MFSD6: variants seen among roughly 807,000 people sequenced by gnomAD.
MFSD6 encodes the protein major facilitator superfamily domain-containing protein 6.
A neutral mutation model predicts 56.3 loss-of-function variants in MFSD6; 26 were observed. That is an observed-to-expected ratio of 0.46 (90% confidence interval 0.34 to 0.64). The LOEUF (loss-of-function observed/expected upper bound fraction) is 0.64, where lower values mean the gene tolerates loss of function less well. Among genes scored for constraint, MFSD6 ranks in the 30% least tolerant of loss-of-function variants. MFSD6 has a pLI of 0.01. For synonymous variants in MFSD6, 331 were observed against 366.9 expected (o/e 0.90, Z 1.12); for missense variants, 750 against 986.2 (o/e 0.76, Z 3.21).
intron 4 of MFSD6, among the ~76,000 whole-genome samples, chr2:190,472,960 C>T (rs1186010072): frequency 6.6e-6 from 1 of 152,114 alleles, no homozygotes; most frequent in African/African-American, 2.4e-5. Context: ...GAATTTTCAA[C>T]CCAGAATTTC....
chr2:190,435,858 A>T, intron 2 of MFSD6, 119 bp from the exon 3 acceptor site: 1 of 895,006 alleles, frequency 1.1e-6, no homozygotes, highest in Non-Finnish European at 1.6e-6. Context: ...AAATGATGAG[A>T]ATTCTCTCTT....
intron 3 of MFSD6, among the ~76,000 whole-genome samples, chr2:190,450,099 A>G (rs1686724495): frequency 6.6e-6 from 1 of 152,230 alleles, no homozygotes; most frequent in South Asian, 2.1e-4. Flanking sequence ...AAAGTTTATT[A>G]CTGGCAGTAA....
rs978120083 is a variant in MFSD6, at chr2:190,459,475, G to A, written c.1533-10283G>A. 1.3e-5 allele frequency among the ~76,000 whole-genome samples: 2 copies of A among 152,116 alleles called. No homozygotes were observed. The highest frequency in any genetic ancestry group is 2.9e-5 in the Non-Finnish European group (2 of 68,016). ...AGGAAATTTTTAAACAAAATTGTAG[G>A]GGGTGTGTGTGTGAATATGTTCAGT... is the stretch of plus-strand genomic sequence containing the variant. On this transcript the variant is annotated intron_variant, in intron 3 of 7. Transcript: ENST00000392328. This position sits in a 1 kb window ranked among gnomAD's most constrained non-coding sequence, Gnocchi z 5.3.
Position 190,483,856 on chromosome 2 carries a change from AG to A in MFSD6, c.1631-4800del, listed in dbSNP as rs1409908428. ...TTTTCAAAAAAAAAAAAAAAAAAAAAGTTAACGAAAACAATTAATGTTACTC... is the reference window on the plus strand; with the variant it reads ...TTTTCAAAAAAAAAAAAAAAAAAAAATTAACGAAAACAATTAATGTTACTC... On this transcript the variant is annotated intron_variant, in intron 4 of 7. Coordinates refer to ENST00000392328, the MANE Select transcript of MFSD6 (RefSeq NM_017694.4). Among the ~76,000 whole-genome samples, 12 of 149,788 alleles carry A rather than the reference AG, an allele frequency of 8.0e-5. No individual in the cohort carries two copies. The East Asian group carries it at 1.6e-3, about 20-fold the overall frequency.
chr2:190,409,623 A>G (rs964988962), intron 1 of MFSD6, among the ~76,000 whole-genome samples: 19 of 152,202 alleles, frequency 1.2e-4, no homozygotes, highest in Non-Finnish European at 1.5e-5. Context: ...TCTTAAGTAT[A>G]GATGAATGTG....
chr2:190,477,025 A>G (rs940218943), intron 4 of MFSD6, among the ~76,000 whole-genome samples: 12 of 125,470 alleles, frequency 9.6e-5, no homozygotes, highest in African/African-American at 3.4e-4. Flanking sequence ...GGACACAGGA[A>G]GGGGAACATC....
chr2:190,436,091 T>C lies in MFSD6; in HGVS notation c.62T>C (p.Val21Ala), dbSNP rs767536046. The C allele has an allele frequency of 3.1e-6, 5 of 1,614,218 alleles. No homozygotes were observed. The highest frequency in any genetic ancestry group is 4.2e-6 in the Non-Finnish European group (5 of 1,180,034). The change falls in exon 3 of 8, where the codon GTG (valine) becomes GCG (alanine). Residue 21 changes from valine (V) to alanine (A), a missense_variant. Physicochemically the swap from Val to Ala is moderately conservative, Grantham distance 64. Transcript: ENST00000392328. This position sits in a 1 kb window ranked among gnomAD's most constrained non-coding sequence, Gnocchi z 5.3. ...DDEEEQKRKY[V>A]LADPFNGISR... ...GAAGAGGAACAGAAGAGAAAGTATG[T>C]GCTTGCAGATCCCTTTAATGGTATT...
chr2:190,464,120 G>A (rs1574162948), intron 3 of MFSD6, among the ~76,000 whole-genome samples: 1 of 152,106 alleles, frequency 6.6e-6, no homozygotes, highest in Non-Finnish European at 1.5e-5. Flanking sequence ...CCCTGGCCTC[G>A]AGCAACCTTG....
At chr2:190,421,298 C>G (rs950809650) in intron 2 of MFSD6, among the ~76,000 whole-genome samples, 10 of 152,106 alleles carry the variant, frequency 6.6e-5, no homozygotes, top group Admixed American at 5.9e-4. Flanking sequence ...TCTAAGGCCC[C>G]TGATTAGAAT....
chr2:190,481,896 G>T (rs1021162795), intron 4 of MFSD6, among the ~76,000 whole-genome samples: 1 of 152,186 alleles, frequency 6.6e-6, no homozygotes, highest in African/African-American at 2.4e-5. Context: ...AAGGTGTATT[G>T]CTGTTAGTAG....
chr2:190,454,687 A>G lies in MFSD6; in HGVS notation c.1533-15071A>G, dbSNP rs540189281. ...CCAGCTCCAGAACTATAAGAAATAA[A>G]TGTCTATTGCTTAACCCACCAGTTT... On this transcript the variant is annotated intron_variant, in intron 3 of 7. Coordinates refer to ENST00000392328, the MANE Select transcript of MFSD6 (RefSeq NM_017694.4). The surrounding 1 kb of genome is among the most constrained non-coding windows in gnomAD (Gnocchi z 4.6). Among the ~76,000 whole-genome samples, 3 of 152,190 alleles carry G rather than the reference A, an allele frequency of 2.0e-5. No homozygotes were observed. Among genetic ancestry groups the G allele is most frequent in the African/African-American group, 7.2e-5 (3 of 41,516 alleles).
rs978129921 is a variant in MFSD6 at position 190,459,858 on chromosome 2, A to G, written c.1533-9900A>G. Among the ~76,000 whole-genome samples the G allele has an allele frequency of 6.6e-6, 1 of 152,258 alleles. No individual in the cohort carries two copies. Among genetic ancestry groups the G allele is most frequent in the Non-Finnish European group, 1.5e-5 (1 of 68,046 alleles). On this transcript the variant is annotated intron_variant, in intron 3 of 7. Transcript: ENST00000392328. This position sits in a 1 kb window ranked among gnomAD's most constrained non-coding sequence, Gnocchi z 5.3. The stretch of plus-strand genomic sequence containing the variant: ...TCTAGCAGAAACAATAGAAGGAAGT[A>G]TTAGTAGCTGCAGAAAATATACACA...
Position 190,456,761 on chromosome 2 carries a change from C to T in MFSD6, c.1533-12997C>T, listed in dbSNP as rs1374499827. Among the ~76,000 whole-genome samples the T allele has an allele frequency of 6.6e-6, 1 of 152,214 alleles. No individual in the cohort carries two copies. The highest frequency in any genetic ancestry group is 1.9e-4 in the East Asian group (1 of 5,202). On this transcript the variant is annotated intron_variant, in intron 3 of 7. Coordinates refer to ENST00000392328, the MANE Select transcript of MFSD6 (RefSeq NM_017694.4). This position sits in a 1 kb window ranked among gnomAD's most constrained non-coding sequence, Gnocchi z 5.4. ...TAAGAGGTGGAAACCTTGGCTCACC[C>T]CTCGTCCTGCCTCAGCATCGATACC...
At chr2:190,470,672 T>A (rs1285817323) in intron 4 of MFSD6, among the ~76,000 whole-genome samples, 1 of 152,246 alleles carries the variant, frequency 6.6e-6, no homozygotes, top group African/African-American at 2.4e-5. Context: ...ATTGCCATTA[T>A]CATTTTCCCT....
chr2:190,427,021 T>C lies in MFSD6; in HGVS notation c.-53-8956T>C, dbSNP rs552122346. Among the ~76,000 whole-genome samples the C allele has an allele frequency of 2.4e-4, 37 of 152,346 alleles. No homozygotes were observed. In the South Asian group the frequency reaches 7.5e-3, roughly 31 times the overall value. ...GGAGATGGGCATTTCAGCTCCCCAGTAGGCCTCCTCACATGGCCTTCAGTG... is the reference window on the plus strand; with the variant it reads ...GGAGATGGGCATTTCAGCTCCCCAGCAGGCCTCCTCACATGGCCTTCAGTG... On this transcript the variant is annotated intron_variant, in intron 2 of 7. Transcript: ENST00000392328.
rs112336525 is a variant in MFSD6, at chr2:190,466,338, A to G, written c.1533-3420A>G. ...TTTAAATATCCTATTCTGATACTGA[A>G]GTACTTTTCAGTGACTATTCAGTAA... On this transcript the variant is annotated intron_variant, in intron 3 of 7. Transcript: ENST00000392328. Among the ~76,000 whole-genome samples the G allele has an allele frequency of 5.3e-3, 804 of 152,346 alleles. 7 individuals carry two copies. Among genetic ancestry groups the G allele is most frequent in the African/African-American group, 0.019 (772 of 41,578 alleles).
In MFSD6 at chr2:190,424,471, G is replaced by A. The variant is rs1028340904; in HGVS notation, c.-54+9058G>A. On this transcript the variant is annotated intron_variant, in intron 2 of 7. Transcript: ENST00000392328. This position sits in a 1 kb window ranked among gnomAD's most constrained non-coding sequence, Gnocchi z 5.9. ...CTGCCTCAGCCTCCCGAGTAGCTGG[G>A]ATTACAGGCACATGACACCATGCCC... Among the ~76,000 whole-genome samples, 4 of 152,136 alleles carry A rather than the reference G, an allele frequency of 2.6e-5. No individual in the cohort carries two copies. The highest frequency in any genetic ancestry group is 4.2e-4 in the South Asian group (2 of 4,812).
chr2:190,468,889 CA>C (rs1366131112), intron 3 of MFSD6, among the ~76,000 whole-genome samples: 1 of 152,076 alleles, frequency 6.6e-6, no homozygotes, highest in African/African-American at 2.4e-5. Context: ...GGAAAATTAA[CA>C]GAAAATAGAA....
At position 190,443,470 on chromosome 2, in the gene MFSD6, A is replaced by G. The variant is rs975778778; in HGVS notation, c.1532+5909A>G. On this transcript the variant is annotated intron_variant, in intron 3 of 7. Transcript: ENST00000392328. This position sits in a 1 kb window ranked among gnomAD's most constrained non-coding sequence, Gnocchi z 4.2. ...TTTACTTTTTTTCTGTCAGTCTGAT[A>G]TATTATGCTGTTTATAACTACAAGA... Among the ~76,000 whole-genome samples, 5 of 152,178 alleles carry G rather than the reference A, an allele frequency of 3.3e-5. No homozygotes were observed. The highest frequency in any genetic ancestry group is 1.2e-4 in the African/African-American group (5 of 41,436).
Sources: allele counts gnomAD v4.1 joint callset (sites outside exome capture counted in the v4.1 genomes callset), GRCh38; gene constraint gnomAD v4.1.1; non-coding constraint Gnocchi (gnomAD v3.1); transcripts MANE v1.5; gene names NCBI Gene and HGNC (gene_info 2026-07-23, HGNC 2026-07-21).